The following STPG2 variants were observed in gnomAD, a reference collection of about 807,000 sequenced individuals.
The protein encoded by STPG2 is sperm tail PG-rich repeat containing 2.
In STPG2, 56 loss-of-function variants were observed where a neutral mutation model predicts 54.2. The observed-to-expected ratio is 1.03, with a 90% CI of 0.83 to 1.29. STPG2 has a LOEUF of 1.29. Among genes scored for constraint, STPG2 ranks in the 50% most tolerant of loss-of-function variants. STPG2 has a pLI of 0.00. For missense variants in STPG2, 596 were observed against 544.9 expected, an observed-to-expected ratio of 1.09 and a Z score of -0.93; for synonymous variants, 200 against 181.8, an observed-to-expected ratio of 1.10 and a Z score of -0.81.
rs1739425419 is a variant in STPG2 at position 98,113,732 on chromosome 4, C to T, written c.388-4427G>A. On this transcript the variant is annotated intron_variant, in intron 3 of 10. Coordinates refer to ENST00000295268, the MANE Select transcript of STPG2 (RefSeq NM_174952.3). The stretch of plus-strand genomic sequence containing the variant: ...GGGATTCTAATTTGATACACAATTC[C>T]AAAGCCCAGCCCCTTGTCATGTCCT... 2.6e-5 allele frequency among the ~76,000 whole-genome samples: 4 copies of T among 151,970 alleles called. No individual in the cohort carries two copies. The South Asian group carries it at 6.2e-4, about 24-fold the overall frequency.
At chr4:97,529,492 A>G (rs1008215112) in intron 4 of STPG2, among the ~76,000 whole-genome samples, 4 of 151,802 alleles carry the variant, frequency 2.6e-5, no homozygotes, top group Non-Finnish European at 4.4e-5. Context: ...TGATGCTGGC[A>G]TCATAAAGTG....
At chr4:97,628,620 T>C (rs1721125567) in intron 10 of STPG2, among the ~76,000 whole-genome samples, 1 of 152,172 alleles carries the variant, frequency 6.6e-6, no homozygotes, top group Non-Finnish European at 1.5e-5. Flanking sequence ...CTTATGTTTA[T>C]ATTTTAATGC....
intron 10 of STPG2, among the ~76,000 whole-genome samples, chr4:97,698,045 A>G (rs1165275068): frequency 6.6e-6 from 1 of 151,582 alleles, no homozygotes. Context: ...CCCACTCCAC[A>G]CTCTATATTT....
rs575395074 is a variant in STPG2, at chr4:97,864,127, G to T, written c.1045-23195C>A. 3.9e-5 allele frequency among the ~76,000 whole-genome samples: 6 copies of T among 152,192 alleles called. 1 individual carries two copies. In the South Asian group the frequency reaches 1.2e-3, roughly 32 times the overall value. ...ATCAGGCAGGAGAAAGAAATAAAGG[G>T]TATTCAATTAGGAAAAGAGGAAGTC... On this transcript the variant is annotated intron_variant, in intron 8 of 10. Transcript: ENST00000295268.
rs977678909 is a variant in STPG2 at position 97,871,403 on chromosome 4, A to AT, written c.1045-30472dup. ...AATAATCACACCAGTAGCTAATCTA[A>AT]TTTTTTTTTAAAAAGGGGGGGAATC... On this transcript the variant is annotated intron_variant, in intron 8 of 10. Coordinates refer to ENST00000295268, the MANE Select transcript of STPG2 (RefSeq NM_174952.3). Among the ~76,000 whole-genome samples, 1,179 of 150,352 alleles carry AT rather than the reference A, an allele frequency of 7.8e-3. 15 individuals carry two copies. Among genetic ancestry groups the AT allele is most frequent in the African/African-American group, 0.025 (1,038 of 41,286 alleles).
At chr4:97,548,958 T>C (rs1342243129) in intron 4 of STPG2, among the ~76,000 whole-genome samples, 2 of 32,580 alleles carry the variant, frequency 6.1e-5, no homozygotes, top group Admixed American at 6.3e-4. Flanking sequence ...TGAAAACTCA[T>C]TTTTATTGTG....
At chr4:97,808,881 A>C (rs2149095558) in intron 9 of STPG2, among the ~76,000 whole-genome samples, 1 of 152,140 alleles carries the variant, frequency 6.6e-6, no homozygotes, top group African/African-American at 2.4e-5. Context: ...TAAAACTAAA[A>C]AGTGATACTT....
rs181083771 is a variant in STPG2, at chr4:97,483,799, T to C, written c.462+228900A>G. Among the ~76,000 whole-genome samples, 635 of 151,926 alleles carry C rather than the reference T, an allele frequency of 4.2e-3. 3 individuals carry two copies. Among genetic ancestry groups the C allele is most frequent in the South Asian group, 0.02 (97 of 4,824 alleles). ...TTGTATTCAAGAGCACATGGAACTT[T>C]CTCCAAGATAGATCATATGATAGGT... On this transcript the variant is annotated intron_variant, in intron 4 of 4. Transcript: ENST00000522676.
At chr4:97,532,931 G>A (rs537052312) in intron 4 of STPG2, among the ~76,000 whole-genome samples, 5 of 152,152 alleles carry the variant, frequency 3.3e-5, no homozygotes, top group Non-Finnish European at 7.4e-5. Context: ...CACCCAGGCT[G>A]GAGCGCAGTG....
chr4:97,614,817 A>G (rs1317441383), intron 10 of STPG2, among the ~76,000 whole-genome samples: 2 of 152,170 alleles, frequency 1.3e-5, no homozygotes, highest in Non-Finnish European at 2.9e-5. Context: ...TACCCATAAC[A>G]TGGAAAGTTT....
chr4:97,821,346 G>T (rs745503630), intron 9 of STPG2, among the ~76,000 whole-genome samples: 4 of 152,154 alleles, frequency 2.6e-5, no homozygotes, highest in Non-Finnish European at 4.4e-5. Flanking sequence ...TAGACCTTGG[G>T]CAACTCTGCC....
chr4:97,470,918 A>G (rs1729909234), intron 4 of STPG2, among the ~76,000 whole-genome samples: 1 of 152,156 alleles, frequency 6.6e-6, no homozygotes, highest in Non-Finnish European at 1.5e-5. Flanking sequence ...TTCTGATGAT[A>G]TGTCAGATTG....
intron 8 of STPG2, among the ~76,000 whole-genome samples, chr4:97,848,270 AATAC>A (rs1285860586): frequency 6.6e-6 from 1 of 152,180 alleles, no homozygotes; most frequent in Non-Finnish European, 1.5e-5. Flanking sequence ...TATTTGCATA[AATAC>A]ATAAACATAA....
At chr4:97,672,599 G>A (rs756132121) in intron 10 of STPG2, among the ~76,000 whole-genome samples, 1 of 152,096 alleles carries the variant, frequency 6.6e-6, no homozygotes, top group African/African-American at 2.4e-5. Flanking sequence ...AGTTATGTGG[G>A]TATATATCCA....
intron 5 of STPG2, among the ~76,000 whole-genome samples, chr4:98,051,184 T>C (rs1737310035): frequency 6.6e-6 from 1 of 152,136 alleles, no homozygotes; most frequent in South Asian, 2.1e-4. Context: ...AGGAAGTTAG[T>C]TCCCTAATCT....
intron 4 of STPG2, among the ~76,000 whole-genome samples, chr4:97,527,417 TC>T (rs1731305719): frequency 6.6e-6 from 1 of 152,218 alleles, no homozygotes; most frequent in South Asian, 2.1e-4. Context: ...GCATTTGGGT[TC>T]ATTCCAAGTC....
chr4:97,540,730 G>A (rs556420938), intron 4 of STPG2, among the ~76,000 whole-genome samples: 3 of 152,180 alleles, frequency 2.0e-5, no homozygotes, highest in East Asian at 3.9e-4. Flanking sequence ...ACTAAATTCT[G>A]GCAAACTGAA....
intron 8 of STPG2, among the ~76,000 whole-genome samples, chr4:97,924,433 A>G (rs1239261262): frequency 6.6e-6 from 1 of 152,218 alleles, no homozygotes; most frequent in Non-Finnish European, 1.5e-5. Context: ...TCATTAGTAC[A>G]TAGTTTTGTA....
intron 9 of STPG2, among the ~76,000 whole-genome samples, chr4:97,795,653 T>C (rs1206715695): frequency 6.6e-6 from 1 of 152,248 alleles, no homozygotes; most frequent in South Asian, 2.1e-4. Context: ...AGTGCCACAA[T>C]AAACATATGT....
Sources: gnomAD v4.1 joint callset for allele counts (sites outside exome capture counted in the v4.1 genomes callset) on GRCh38, gnomAD v4.1.1 for gene constraint, MANE v1.5 for transcripts, NCBI Gene and HGNC (gene_info 2026-07-23, HGNC 2026-07-21) for gene names.